Variants in USP34 observed in about 807,000 individuals in gnomAD.
USP34 encodes ubiquitin carboxyl-terminal hydrolase 34.
Under a neutral mutation model 460.3 loss-of-function variants are expected in USP34, and 70 were observed. The ratio of observed to expected loss-of-function variants is 0.15; its 90% CI spans 0.13 to 0.19. The LOEUF (loss-of-function observed/expected upper bound fraction) is 0.19. USP34 is among the 10% of genes least tolerant of loss of function. The probability of loss-of-function intolerance (pLI) is 1.00; values close to 1 mark genes in which losing one functional copy is unlikely to be tolerated. For synonymous variants in USP34, 1,647 were observed against 1,405.3 expected (o/e 1.17, Z -3.85); for missense variants, 3,985 against 4,236.2 (o/e 0.94, Z 1.65).
intron 27 of USP34, among the ~76,000 whole-genome samples, chr2:61,302,161 T>C (rs1320723585): frequency 6.6e-6 from 1 of 152,092 alleles, no homozygotes; most frequent in Non-Finnish European, 1.5e-5. Context: ...AGCAGGAAAA[T>C]TAAGCAAAAT....
intron 41 of USP34, among the ~76,000 whole-genome samples, chr2:61,275,840 A>T (rs999855337): frequency 3.9e-5 from 6 of 152,184 alleles, no homozygotes; most frequent in Admixed American, 6.6e-5. Context: ...ATTGGGTCTA[A>T]TAATATCCAC....
intron 66 of USP34, 114 bp from the exon 67 acceptor site, chr2:61,220,571 G>C: frequency 2.9e-6 from 3 of 1,037,568 alleles, no homozygotes; most frequent in Non-Finnish European, 2.6e-6. Flanking sequence ...TTGACAATTA[G>C]AGATTAAAAA....
chr2:61,395,154 A>G (rs1279240710), intron 4 of USP34, 29 bp downstream of exon 4: 1 of 1,486,194 alleles, frequency 6.7e-7, no homozygotes, highest in Admixed American at 2.2e-5. Context: ...AAAATTTTCC[A>G]TAAAAGAATA....
intron 10 of USP34, among the ~76,000 whole-genome samples, chr2:61,352,758 C>A (rs903769117): frequency 1.3e-5 from 2 of 150,164 alleles, no homozygotes; most frequent in African/African-American, 2.5e-5. Flanking sequence ...ATTAAGAATG[C>A]GTGGTGGTGG....
At chr2:61,303,864 G>A (rs1025325891) in intron 27 of USP34, among the ~76,000 whole-genome samples, 2 of 150,702 alleles carry the variant, frequency 1.3e-5, no homozygotes, top group Non-Finnish European at 2.9e-5. Flanking sequence ...CAAAGTGCTG[G>A]GATTACAGTG....
chr2:61,188,241 G>T lies in USP34; in HGVS notation c.10502C>A (p.Ser3501Tyr), dbSNP rs1304758670. 6.2e-7 allele frequency: 1 copy of T among 1,614,180 alleles called. No homozygotes were observed. The highest frequency in any genetic ancestry group is 8.5e-7 in the Non-Finnish European group (1 of 1,180,048). The change falls in exon 80 of 80, where the codon TCT becomes TAT. Residue 3501 changes from serine to tyrosine, a missense_variant. Around this residue, in one of 14 missense-constraint regions of USP34, gnomAD observed 506 missense variants for 439.0 expected, o/e 1.15. Transcript: ENST00000398571. ...TCCTCTGGAATGGCCACAACTGAGA[G>T]ATAAAGCAACCTCAGGGTCCTGGGA... ...LPSQDPEVAL[S>Y]LSCGHSRGLF...
rs972839474 is a variant in USP34, at chr2:61,413,973, A to G, written c.131+6773T>C. The stretch of plus-strand genomic sequence containing the variant: ...AAAAAAATTAAAAATAAAAAAACAA[A>G]AGAGGCCGAGTGAGTGGCTCACACC... On this transcript the variant is annotated intron_variant, in intron 2 of 79. Coordinates refer to ENST00000398571, the MANE Select transcript of USP34 (RefSeq NM_014709.4). 2.7e-5 allele frequency among the ~76,000 whole-genome samples: 4 copies of G among 148,628 alleles called. No homozygotes were observed. In the East Asian group the frequency reaches 7.9e-4, roughly 29 times the overall value.
At chr2:61,357,220 A>G (rs1692134552) in intron 10 of USP34, among the ~76,000 whole-genome samples, 1 of 152,210 alleles carries the variant, frequency 6.6e-6, no homozygotes, top group Non-Finnish European at 1.5e-5. Context: ...ATTAAAATAC[A>G]GATAATCATA....
chr2:61,373,022 A>G (rs1025134608), intron 8 of USP34, among the ~76,000 whole-genome samples: 1 of 152,226 alleles, frequency 6.6e-6, no homozygotes, highest in Non-Finnish European at 1.5e-5. Context: ...GGGAACCAGA[A>G]TAAGATTAAT....
intron 1 of USP34, among the ~76,000 whole-genome samples, chr2:61,466,340 G>A (rs1420670018): frequency 2.0e-5 from 3 of 152,014 alleles, no homozygotes; most frequent in African/African-American, 4.8e-5. Context: ...CAGGAGGATT[G>A]CTTAAGCCCA....
At chr2:61,254,879 A>C (rs534989582) in intron 48 of USP34, among the ~76,000 whole-genome samples, 16 of 152,258 alleles carry the variant, frequency 1.1e-4, no homozygotes, top group African/African-American at 3.6e-4. Context: ...ATAGGTTCTC[A>C]ATTTTTTGCC....
intron 71 of USP34, among the ~76,000 whole-genome samples, 172 bp from the exon 72 acceptor site, chr2:61,206,296 G>A (rs1200050400): frequency 2.0e-5 from 3 of 152,200 alleles, no homozygotes; most frequent in African/African-American, 7.2e-5. Flanking sequence ...TGTTAAACCT[G>A]CTAGATTTCT....
intron 67 of USP34, among the ~76,000 whole-genome samples, chr2:61,217,460 T>C (rs75103804): frequency 3.1e-3 from 469 of 152,364 alleles, no homozygotes; most frequent in Non-Finnish European, 4.1e-3. Flanking sequence ...ACTAATTCTA[T>C]TCAAATATTT....
chr2:61,260,372 T>G (rs1688843188), intron 43 of USP34, among the ~76,000 whole-genome samples: 2 of 152,194 alleles, frequency 1.3e-5, no homozygotes, highest in South Asian at 2.1e-4. Flanking sequence ...AGGTACTTAT[T>G]ACACATATTC....
chr2:61,335,606 A>G (rs1005466795), intron 18 of USP34, among the ~76,000 whole-genome samples: 1 of 151,914 alleles, frequency 6.6e-6, no homozygotes, highest in Non-Finnish European at 1.5e-5. Context: ...AAAATTAGCC[A>G]CCCATGATGG....
chr2:61,422,648 G>T (rs373661915), intron 1 of USP34, among the ~76,000 whole-genome samples: 59 of 152,254 alleles, frequency 3.9e-4, no homozygotes, highest in Middle Eastern at 3.4e-3. Context: ...GGAAGAAAAT[G>T]GAAAGAAATC....
chr2:61,236,281 T>A (rs1189050125), intron 54 of USP34, 44 bp downstream of exon 54: 4 of 1,593,182 alleles, frequency 2.5e-6, no homozygotes, highest in African/African-American at 1.4e-5. Flanking sequence ...GTAAGATTTT[T>A]TTAAAATGTG....
chr2:61,446,769 C>G (rs1033445608), intron 1 of USP34, among the ~76,000 whole-genome samples: 4 of 148,746 alleles, frequency 2.7e-5, no homozygotes, highest in Admixed American at 6.8e-5. Context: ...ACACTGCAGC[C>G]TGGGCAACAG....
At chr2:61,188,754 A>C in intron 79 of USP34, 45 bp from the exon 80 acceptor site, 1 of 1,596,096 alleles carries the variant, frequency 6.3e-7, no homozygotes, top group East Asian at 2.2e-5. Context: ...GAAAGTCATT[A>C]AGATCACGTT....
Sources: gnomAD v4.1 joint callset for allele counts (sites outside exome capture counted in the v4.1 genomes callset) on GRCh38, gnomAD v4.1.1 for gene constraint, gnomAD v4.1.1 regional missense constraint, MANE v1.5 for transcripts, NCBI Gene and HGNC (gene_info 2026-07-23, HGNC 2026-07-21) for gene names.